PPP1R16A: variants seen among roughly 807,000 people sequenced by gnomAD.
PPP1R16A encodes the protein myosin phosphatase-targeting subunit 3.
Under a neutral mutation model 46.6 loss-of-function variants are expected in PPP1R16A, and 39 were observed. The ratio of observed to expected loss-of-function variants is 0.84; its 90% CI spans 0.65 to 1.09. PPP1R16A has a LOEUF of 1.09. Among genes scored for constraint, PPP1R16A ranks in the 50% least tolerant of loss-of-function variants. The pLI, the probability that PPP1R16A is intolerant of heterozygous loss-of-function variation, is 0.00. For synonymous variants in PPP1R16A, 413 were observed against 321.5 expected (o/e 1.28, Z -3.04); for missense variants, 798 against 735.6 (o/e 1.08, Z -0.98).
At chr8:144,498,494 C>T (rs1586757072) in intron 3 of PPP1R16A, 2 of 478,770 alleles carry the variant, frequency 4.2e-6, no homozygotes, top group South Asian at 6.3e-5. Context: ...TGGAGTGCTG[C>T]TCTCACACAG....
chr8:144,500,053 G>A, intron 5 of PPP1R16A, 43 bp from the exon 6 acceptor site: 1 of 1,565,304 alleles, frequency 6.4e-7, no homozygotes, highest in Non-Finnish European at 8.7e-7. Context: ...CTGGCAAGCG[G>A]GGAAGGGCCT....
Position 144,499,444 on chromosome 8 carries a change from C to T in PPP1R16A, c.476+383C>T, listed in dbSNP as rs545874698. 8.5e-4 allele frequency: 206 copies of T among 241,048 alleles called. 1 individual carries two copies. Among genetic ancestry groups the T allele is most frequent in the African/African-American group, 4.4e-3 (196 of 44,930 alleles). 14.9% of individuals were successfully genotyped at this position (241,048 alleles called of 1,614,324 possible). A position where few individuals can be genotyped will look rare whatever the true frequency, so the allele number is the denominator to read the frequency against. On this transcript the variant is annotated intron_variant, in intron 5 of 11. Transcript: ENST00000435887. ...GCACAGGTAGGGCCTTTACCTTTAA[C>T]ACAGAGGGACGTAGAGCGGGGGGAA...
rs774631392 is a variant in PPP1R16A at position 144,496,747 on chromosome 8, G to T, written c.-448G>T. The T allele has an allele frequency of 3.0e-5, 7 of 236,686 alleles. No individual in the cohort carries two copies. The highest frequency in any genetic ancestry group is 5.9e-5 in the Non-Finnish European group (7 of 117,702). The allele number at this position is 236,686 out of a possible 1,614,324, so 14.7% of individuals were successfully genotyped here. On this transcript the variant is annotated 5_prime_UTR_variant, in exon 3 of 12. Coordinates refer to ENST00000435887, the MANE Select transcript of PPP1R16A (RefSeq NM_001329443.2). ...GAAGGTGAAAAGAGGACTCTCAGGG[G>T]CTCACAGGGGCTCTCACTGCTGGTT... is the stretch of plus-strand genomic sequence containing the variant.
chr8:144,497,633 A>G (rs1205977133), intron 3 of PPP1R16A, 180 bp downstream of exon 3: 4 of 816,204 alleles, frequency 4.9e-6, no homozygotes, highest in Non-Finnish European at 8.2e-6. Flanking sequence ...GCAAGCCCCA[A>G]GCAGTGGGCA....
chr8:144,501,308 C>T lies in PPP1R16A; in HGVS notation c.1203+14C>T. On this transcript the variant is annotated intron_variant, in intron 11 of 11. Transcript: ENST00000435887. The stretch of plus-strand genomic sequence containing the variant: ...CCGCCCCCGGAGGTGAGCGCCCCGT[C>T]CCTGCTCCGCCCAGCGCAGGGGTGG... The T allele has an allele frequency of 6.4e-6, 10 of 1,560,768 alleles. No homozygotes were observed. Among genetic ancestry groups the T allele is most frequent in the Non-Finnish European group, 8.6e-6 (10 of 1,159,056 alleles).
In PPP1R16A at chr8:144,487,495, A is replaced by G. The variant is rs146910308; in HGVS notation, c.-913-2539A>G. Among the ~76,000 whole-genome samples the G allele has an allele frequency of 3.6e-3, 541 of 152,182 alleles. 2 individuals carry two copies. Among genetic ancestry groups the G allele is most frequent in the African/African-American group, 6.7e-3 (277 of 41,520 alleles). On this transcript the variant is annotated intron_variant, in intron 1 of 11. Coordinates refer to ENST00000435887, the MANE Select transcript of PPP1R16A (RefSeq NM_001329443.2). ...AGTGATCTTCCCACCTCAGCCTCCC[A>G]AGTAGCTGGAACTGCAGGGGTGCAC... is the stretch of plus-strand genomic sequence containing the variant.
chr8:144,500,652 G>C, intron 8 of PPP1R16A, 34 bp from the exon 9 acceptor site: 1 of 1,606,228 alleles, frequency 6.2e-7, no homozygotes, highest in Non-Finnish European at 8.5e-7. Flanking sequence ...GGCTTCCAGC[G>C]CAGCAGTCTG....
At chr8:144,490,918 C>T (rs1825788181) in intron 2 of PPP1R16A, among the ~76,000 whole-genome samples, 1 of 151,972 alleles carries the variant, frequency 6.6e-6, no homozygotes, top group Non-Finnish European at 1.5e-5. Context: ...AACAAATTAG[C>T]CGGGTGTGGT....
chr8:144,482,646 C>A (rs1825477839), intron 1 of PPP1R16A, among the ~76,000 whole-genome samples: 1 of 150,686 alleles, frequency 6.6e-6, no homozygotes, highest in Non-Finnish European at 1.5e-5. Context: ...TGCCAGCATG[C>A]CCAGCTAACT....
chr8:144,499,422 C>T, intron 5 of PPP1R16A: 1 of 293,504 alleles, frequency 3.4e-6, no homozygotes. Flanking sequence ...TACCTGAGCA[C>T]AGGTAGGGCC....
chr8:144,485,060 G>A (rs1825585146), intron 1 of PPP1R16A, among the ~76,000 whole-genome samples: 3 of 151,936 alleles, frequency 2.0e-5, no homozygotes. Flanking sequence ...CATGCCAGGG[G>A]CCAGAAAGGA....
chr8:144,485,919 A>G (rs534905627), intron 1 of PPP1R16A, among the ~76,000 whole-genome samples: 1 of 152,334 alleles, frequency 6.6e-6, no homozygotes, highest in African/African-American at 2.4e-5. Flanking sequence ...AGAATGCTCC[A>G]TAAATGGAGT....
intron 8 of PPP1R16A, 27 bp downstream of exon 8, chr8:144,500,639 G>A: frequency 3.1e-6 from 5 of 1,604,462 alleles, no homozygotes; most frequent in Non-Finnish European, 4.2e-6. Flanking sequence ...GCAGGTGGGA[G>A]GGGGCTTCCA....
chr8:144,500,625 G>C lies in PPP1R16A; in HGVS notation c.831+13G>C. 1.2e-6 allele frequency: 2 copies of C among 1,602,570 alleles called. No individual in the cohort carries two copies. Among genetic ancestry groups the C allele is most frequent in the Non-Finnish European group, 1.7e-6 (2 of 1,179,040 alleles). On this transcript the variant is annotated intron_variant, in intron 8 of 11. Coordinates refer to ENST00000435887, the MANE Select transcript of PPP1R16A (RefSeq NM_001329443.2). Reference sequence around the variant, plus strand: ...CTACTGGGGCCAGGTGAGTGCGGGCGGGAGCAGGTGGGAGGGGGCTTCCAG... The same window carrying C: ...CTACTGGGGCCAGGTGAGTGCGGGCCGGAGCAGGTGGGAGGGGGCTTCCAG...
At chr8:144,498,670 C>G in intron 3 of PPP1R16A, 100 bp from the exon 4 acceptor site, 2 of 1,213,972 alleles carry the variant, frequency 1.6e-6, no homozygotes, top group Non-Finnish European at 2.3e-6. Context: ...CCATCGGCAC[C>G]ACTGTCTTCC....
rs527375262 is a variant in PPP1R16A, at chr8:144,493,269, C to T, written c.-735+3057C>T. Among the ~76,000 whole-genome samples, 6 of 152,230 alleles carry T rather than the reference C, an allele frequency of 3.9e-5. No individual in the cohort carries two copies. The East Asian group carries it at 5.8e-4, about 15-fold the overall frequency. ...GCTTTGAGGAGTGGAATGAACCCAC[C>T]GGGTTATCTGTTTAGAACTGGAATG... On this transcript the variant is annotated intron_variant, in intron 2 of 11. Coordinates refer to ENST00000435887, the MANE Select transcript of PPP1R16A (RefSeq NM_001329443.2). This position sits in a 1 kb window ranked among gnomAD's most constrained non-coding sequence, Gnocchi z 4.3.
chr8:144,478,200 G>A, intron 1 of PPP1R16A, 73 bp downstream of exon 1: 1 of 391,388 alleles, frequency 2.6e-6, no homozygotes, highest in Non-Finnish European at 4.5e-6. Flanking sequence ...GGAGAGCAGT[G>A]GCGGGCCCGG....
chr8:144,482,655 CTTT>C (rs1192242667), intron 1 of PPP1R16A, among the ~76,000 whole-genome samples: 1 of 118,488 alleles, frequency 8.4e-6, no homozygotes. Context: ...GCCCAGCTAA[CTTT>C]TTTTTTTTTT....
At chr8:144,499,832 GT>G in intron 5 of PPP1R16A, 1 of 475,518 alleles carries the variant, frequency 2.1e-6, no homozygotes, top group Non-Finnish European at 3.8e-6. Flanking sequence ...TCCAATGCAT[GT>G]TTATGGGGGC....
Sources: gnomAD v4.1 joint callset for allele counts (sites outside exome capture counted in the v4.1 genomes callset) on GRCh38, gnomAD v4.1.1 for gene constraint, Gnocchi (gnomAD v3.1) non-coding constraint, MANE v1.5 for transcripts, NCBI Gene and HGNC (gene_info 2026-07-23, HGNC 2026-07-21) for gene names.